Variants in ANKRD17 observed in about 807,000 individuals in gnomAD.
ANKRD17 encodes ankyrin repeat domain 17.
A neutral mutation model predicts 229.7 loss-of-function variants in ANKRD17; 19 were observed. That is an observed-to-expected ratio of 0.08 (90% CI 0.06 to 0.12). ANKRD17 has a LOEUF of 0.12. Ranked by LOEUF, ANKRD17 falls within the 10% of genes least tolerant of loss-of-function variation. The pLI is 1.00. For missense variants in ANKRD17, 2,176 were observed against 3,176.8 expected, an observed-to-expected ratio of 0.68 and a Z score of 7.57; for synonymous variants, 1,112 against 1,146.1, an observed-to-expected ratio of 0.97 and a Z score of 0.60.
At chr4:73,170,155 G>A (rs1219617567) in intron 2 of ANKRD17, among the ~76,000 whole-genome samples, 1 of 151,988 alleles carries the variant, frequency 6.6e-6, no homozygotes, top group African/African-American at 2.4e-5. Flanking sequence ...CACAGCTTAA[G>A]GCTCCAAAAG....
chr4:73,244,138 C>T (rs1040336711), intron 1 of ANKRD17, among the ~76,000 whole-genome samples: 1 of 152,130 alleles, frequency 6.6e-6, no homozygotes, highest in Non-Finnish European at 1.5e-5. Context: ...TTTATAAGTA[C>T]ATCAGTCAGA....
chr4:73,096,981 C>T, intron 27 of ANKRD17, 136 bp downstream of exon 27: 5 of 1,005,956 alleles, frequency 5.0e-6, no homozygotes, highest in Non-Finnish European at 7.2e-6. Context: ...CAGGCTCTCT[C>T]TGTTGGTCAA....
Position 73,240,083 on chromosome 4 carries a change from G to C in ANKRD17, c.393+18193C>G, listed in dbSNP as rs145753647. Among the ~76,000 whole-genome samples, 4 of 152,220 alleles carry C rather than the reference G, an allele frequency of 2.6e-5. No homozygotes were observed. The East Asian group carries it at 7.7e-4, about 29-fold the overall frequency. ...AAAGAACATTGGAAAGATAGTGCAAGAGAACTACACAACAGTCATAGTTTA... is the reference window on the plus strand; with the variant it reads ...AAAGAACATTGGAAAGATAGTGCAACAGAACTACACAACAGTCATAGTTTA... On this transcript the variant is annotated intron_variant, in intron 1 of 33. Transcript: ENST00000358602.
Position 73,120,953 on chromosome 4 carries a change from G to C in ANKRD17, c.3777C>G (p.Ala1259=), listed in dbSNP as rs765306685. ...CCACTTCAGTTCTTCCTTGGAAGCA[G>C]GCTAAAGTAAGGGCAGTGTTCCGAT... ...ETNRNTALTL[A]CFQGRTEVVS... The change falls in exon 20 of 34, where the codon GCC becomes GCG. Residue 1259 remains alanine (A), a synonymous_variant. Coordinates refer to ENST00000358602, the MANE Select transcript of ANKRD17 (RefSeq NM_032217.5). 6.2e-7 allele frequency: 1 copy of C among 1,613,600 alleles called. No homozygotes were observed. Among genetic ancestry groups the C allele is most frequent in the Admixed American group, 1.7e-5 (1 of 59,946 alleles).
intron 23 of ANKRD17, among the ~76,000 whole-genome samples, chr4:73,114,237 C>A (rs767389201): frequency 5.9e-5 from 9 of 152,092 alleles, no homozygotes; most frequent in Admixed American, 2.6e-4. Flanking sequence ...GGCTGGTTAA[C>A]AGGCTAAAGG....
intron 1 of ANKRD17, among the ~76,000 whole-genome samples, chr4:73,182,992 AATC>A (rs1331622625): frequency 6.6e-6 from 1 of 152,186 alleles, no homozygotes; most frequent in Non-Finnish European, 1.5e-5. Flanking sequence ...CAACAACAAA[AATC>A]ATGAAGGAGA....
At chr4:73,079,043 T>C (rs1721289140) in intron 30 of ANKRD17, among the ~76,000 whole-genome samples, 153 bp from the exon 31 acceptor site, 1 of 152,214 alleles carries the variant, frequency 6.6e-6, no homozygotes. Context: ...ATATTAAAAT[T>C]TGGCTAAAGT....
At chr4:73,197,572 G>C (rs1302008662) in intron 1 of ANKRD17, among the ~76,000 whole-genome samples, 1 of 152,192 alleles carries the variant, frequency 6.6e-6, no homozygotes, top group East Asian at 1.9e-4. Context: ...GCTCATGTCT[G>C]TAATCCCTGC....
chr4:73,123,462 G>C (rs1276646377), intron 18 of ANKRD17, among the ~76,000 whole-genome samples: 1 of 151,962 alleles, frequency 6.6e-6, no homozygotes, highest in Non-Finnish European at 1.5e-5. Context: ...CAAAACAGTA[G>C]GGACAGGCCA....
In ANKRD17 at chr4:73,113,787, G is replaced by A. The variant is rs1367688830; in HGVS notation, c.4401+5C>T. ...GTAGTTTTCATGTGTAAAGATTATT[G>A]TTACCTTTTCCAAGTCTAACTCCTC... is the stretch of plus-strand genomic sequence containing the variant. On this transcript the variant is annotated splice_donor_5th_base_variant and intron_variant, in intron 24 of 33. Transcript: ENST00000358602. 1.2e-6 allele frequency: 2 copies of A among 1,605,694 alleles called. No individual in the cohort carries two copies. Among genetic ancestry groups the A allele is most frequent in the Non-Finnish European group, 8.5e-7 (1 of 1,172,876 alleles).
At chr4:73,146,906 A>G in intron 9 of ANKRD17, 33 bp from the exon 10 acceptor site, 2 of 1,541,038 alleles carry the variant, frequency 1.3e-6, no homozygotes, top group Non-Finnish European at 1.8e-6. Flanking sequence ...CATAGACTTA[A>G]TAAAGGAGCC....
At chr4:73,206,806 G>C (rs1385233616) in intron 1 of ANKRD17, among the ~76,000 whole-genome samples, 2 of 152,116 alleles carry the variant, frequency 1.3e-5, no homozygotes, top group African/African-American at 4.8e-5. Context: ...CTGTACACTT[G>C]AAATTTGCTA....
intron 29 of ANKRD17, among the ~76,000 whole-genome samples, chr4:73,090,123 G>A (rs565948898): frequency 3.3e-5 from 5 of 152,192 alleles, no homozygotes; most frequent in South Asian, 2.1e-4. Context: ...AGAAAAACAC[G>A]CCTAGGCCAG....
chr4:73,252,034 C>A (rs772942320), intron 1 of ANKRD17, among the ~76,000 whole-genome samples: 1 of 152,174 alleles, frequency 6.6e-6, no homozygotes, highest in African/African-American at 2.4e-5. Context: ...TAGCTGCAAC[C>A]AAGTTCTGTT....
rs1275817919 is a variant in ANKRD17, at chr4:73,168,112, C to G, written c.548-6764G>C. 4.2e-5 allele frequency among the ~76,000 whole-genome samples: 6 copies of G among 142,508 alleles called. No homozygotes were observed. The Admixed American group carries it at 4.4e-4, about 10-fold the overall frequency. The allele number at this position is 142,508 out of a possible 152,430, so 93.5% of individuals were successfully genotyped here. On this transcript the variant is annotated intron_variant, in intron 2 of 33. Coordinates refer to ENST00000358602, the MANE Select transcript of ANKRD17 (RefSeq NM_032217.5). ...AGCTTGCAGTGAGCCAAGATCCCAC[C>G]ACTGTACTCCAGCCTGGGGGAGAGT...
intron 30 of ANKRD17, among the ~76,000 whole-genome samples, chr4:73,083,947 C>CA (rs1387866184): frequency 0.014 from 1,790 of 125,702 alleles, 14 homozygotes; most frequent in African/African-American, 0.028. Context: ...AAAAACAAAA[C>CA]AAAAAAAAAA....
chr4:73,223,928 A>G (rs960788678), intron 1 of ANKRD17, among the ~76,000 whole-genome samples: 45 of 152,104 alleles, frequency 3.0e-4, no homozygotes, highest in African/African-American at 9.9e-4. Flanking sequence ...TCTTCCTTAT[A>G]CAACTTTGAA....
intron 24 of ANKRD17, chr4:73,113,253 T>A: frequency 7.8e-7 from 1 of 1,289,382 alleles, no homozygotes. Flanking sequence ...CCAAACTATA[T>A]GCTGTTTTGG....
chr4:73,178,342 T>A (rs986358395), intron 1 of ANKRD17, among the ~76,000 whole-genome samples: 4 of 152,226 alleles, frequency 2.6e-5, no homozygotes, highest in Non-Finnish European at 4.4e-5. Flanking sequence ...ACTTTTTATA[T>A]GCAGCAAAAG....
Sources: allele counts gnomAD v4.1 joint callset (sites outside exome capture counted in the v4.1 genomes callset), GRCh38; gene constraint gnomAD v4.1.1; transcripts MANE v1.5; gene names NCBI Gene and HGNC (gene_info 2026-07-23, HGNC 2026-07-21).